The following IFNAR2 variants were observed in gnomAD, a reference collection of about 807,000 sequenced individuals.
The protein encoded by IFNAR2 is interferon alpha and beta receptor subunit 2.
A neutral mutation model predicts 49.4 loss-of-function variants in IFNAR2; 30 were observed. The ratio of observed to expected loss-of-function variants is 0.61; its 90% CI spans 0.45 to 0.82. The LOEUF (loss-of-function observed/expected upper bound fraction) is 0.82, where lower values mean the gene tolerates loss of function less well. Ranked by LOEUF, IFNAR2 falls within the 40% of genes least tolerant of loss-of-function variation. The pLI is 0.00. For missense variants in IFNAR2, 600 were observed against 622.7 expected, an observed-to-expected ratio of 0.96 and a Z score of 0.39; for synonymous variants, 224 against 234.5, an observed-to-expected ratio of 0.96 and a Z score of 0.41.
intron 1 of IFNAR2, among the ~76,000 whole-genome samples, chr21:33,239,956 C>T (rs966337334): frequency 1.3e-5 from 1 of 78,102 alleles, no homozygotes; most frequent in African/African-American, 5.4e-5. Context: ...AGAGTGGTCA[C>T]AGCCCTCAAT....
At chr21:33,236,917 T>A in intron 1 of IFNAR2, 1 of 980,118 alleles carries the variant, frequency 1.0e-6, no homozygotes, top group African/African-American at 1.8e-5. Context: ...TCAGCAAGAG[T>A]TTTAAGGAGC....
chr21:33,249,312 C>T (rs1987673317), intron 6 of IFNAR2, among the ~76,000 whole-genome samples: 1 of 144,468 alleles, frequency 6.9e-6, no homozygotes, highest in Admixed American at 7.1e-5. Context: ...CCATTGTGTT[C>T]CAGCCTGGGT....
At chr21:33,261,237 A>C (rs1019183676) in intron 8 of IFNAR2, among the ~76,000 whole-genome samples, 12 of 151,808 alleles carry the variant, frequency 7.9e-5, no homozygotes, top group African/African-American at 2.9e-4. Context: ...GGGTTTTGCT[A>C]TGTTGGCCAG....
At position 33,241,994 on chromosome 21, in the gene IFNAR2, A is replaced by T. The variant is rs1444716777; in HGVS notation, c.55+17A>T. On this transcript the variant is annotated intron_variant, in intron 2 of 8. Coordinates refer to ENST00000342136, the MANE Select transcript of IFNAR2 (RefSeq NM_001289125.3). ...TTCTCATGGGTAAGTGCTGCTTTTT[A>T]TCTTAGCTCTTATAGAAGCAAGCTG... The T allele has an allele frequency of 1.9e-6, 3 of 1,607,416 alleles. No individual in the cohort carries two copies. The highest frequency in any genetic ancestry group is 2.7e-5 in the African/African-American group (2 of 74,706).
rs1985913606 is a variant in IFNAR2 at position 33,230,046 on chromosome 21, C to T, written c.-254C>T. ...AGCCGAACAGTTCCCCGAGCGCAGC[C>T]CGCGGACCACCACCCGGCCGCACGG... On this transcript the variant is annotated 5_prime_UTR_variant, in exon 1 of 9. Transcript: ENST00000342136. This position sits in a 1 kb window ranked among gnomAD's most constrained non-coding sequence, Gnocchi z 5.5. 1.0e-6 allele frequency: 1 copy of T among 985,974 alleles called. No individual in the cohort carries two copies. Among genetic ancestry groups the T allele is most frequent in the African/African-American group, 1.7e-5 (1 of 57,328 alleles). 61.1% of individuals were successfully genotyped at this position (985,974 alleles called of 1,614,324 possible).
rs1200769826 is a variant in IFNAR2 at position 33,243,704 on chromosome 21, T to C, written c.87T>C (p.Tyr29=). 4.3e-6 allele frequency: 7 copies of C among 1,612,746 alleles called. No homozygotes were observed. The South Asian group carries it at 5.5e-5, about 13-fold the overall frequency. ...VYISLVFGIS[Y]DSPDYTDESC... Reference sequence around the variant, plus strand: ...TCAGCCTCGTGTTTGGTATTTCATATGATTCGCCTGGTAAGAGATGTTTTT... The same window carrying C: ...TCAGCCTCGTGTTTGGTATTTCATACGATTCGCCTGGTAAGAGATGTTTTT... The change falls in exon 3 of 9, where the codon TAT becomes TAC. Residue 29 remains tyrosine (Y), a synonymous_variant. Coordinates refer to ENST00000342136, the MANE Select transcript of IFNAR2 (RefSeq NM_001289125.3).
At position 33,230,312 on chromosome 21, in the gene IFNAR2, C is replaced by A; in HGVS notation, c.-84+96C>A. 1 of 1,021,122 alleles carries A rather than the reference C, an allele frequency of 9.8e-7. No homozygotes were observed. The highest frequency in any genetic ancestry group is 1.2e-6 in the Non-Finnish European group (1 of 809,336). 63.3% of individuals were successfully genotyped at this position (1,021,122 alleles called of 1,614,324 possible). ...CTGCAGCGGTTCCCGGAATCCCCTC[C>A]GGTTCCCTCTCGCTCTCCCCGACTC... On this transcript the variant is annotated intron_variant, in intron 1 of 8. Coordinates refer to ENST00000342136, the MANE Select transcript of IFNAR2 (RefSeq NM_001289125.3). This position sits in a 1 kb window ranked among gnomAD's most constrained non-coding sequence, Gnocchi z 5.5.
chr21:33,241,713 G>A (rs952491986), intron 1 of IFNAR2, 127 bp from the exon 2 acceptor site: 12 of 534,744 alleles, frequency 2.2e-5, no homozygotes, highest in East Asian at 3.6e-5. Context: ...TCCCAGACTA[G>A]GTAGGGGATT....
Position 33,252,808 on chromosome 21 carries a change from C to G in IFNAR2, c.687C>G (p.Leu229=). 6.2e-7 allele frequency: 1 copy of G among 1,613,866 alleles called. No individual in the cohort carries two copies. Residue 229 remains leucine, a synonymous_variant, in exon 7 of 9, where the codon CTC becomes CTG. Transcript: ENST00000342136. ...TAAAGTCTCCCTTAAAATGCACCCT[C>G]CTTCCACCTGGCCAGGAATCAGGTA... is the stretch of plus-strand genomic sequence containing the variant. ...AVIKSPLKCT[L]LPPGQESESA...
intron 6 of IFNAR2, among the ~76,000 whole-genome samples, chr21:33,250,169 A>G (rs1322108353): frequency 6.6e-6 from 1 of 152,214 alleles, no homozygotes; most frequent in Non-Finnish European, 1.5e-5. Flanking sequence ...ATGGATTATA[A>G]TCAGTACTCT....
At chr21:33,256,242 ATTCCAT>A (rs1167891300) in intron 7 of IFNAR2, among the ~76,000 whole-genome samples, 3 of 152,224 alleles carry the variant, frequency 2.0e-5, no homozygotes, top group Non-Finnish European at 4.4e-5. Context: ...CTCTCAGGTC[ATTCCAT>A]TTTTACTTGG....
In IFNAR2 at chr21:33,230,336, T is replaced by A; in HGVS notation, c.-84+120T>A. 1 of 621,186 alleles carries A rather than the reference T, an allele frequency of 1.6e-6. No homozygotes were observed. Among genetic ancestry groups the A allele is most frequent in the Non-Finnish European group, 2.2e-6 (1 of 454,910 alleles). The allele number at this position is 621,186 out of a possible 1,614,324, so 38.5% of individuals were successfully genotyped here. A position where few individuals can be genotyped will look rare whatever the true frequency, so the allele number is the denominator to read the frequency against. ...CCGGTTCCCTCTCGCTCTCCCCGAC[T>A]CCTCCTCCTCCTCCTGCCCTCCCTC... is the stretch of plus-strand genomic sequence containing the variant. On this transcript the variant is annotated intron_variant, in intron 1 of 8. Coordinates refer to ENST00000342136, the MANE Select transcript of IFNAR2 (RefSeq NM_001289125.3). The surrounding 1 kb of genome is among the most constrained non-coding windows in gnomAD (Gnocchi z 5.5).
rs1601795408 is a variant in IFNAR2, at chr21:33,242,068, C to T, written c.55+91C>T. On this transcript the variant is annotated intron_variant, in intron 2 of 8. Coordinates refer to ENST00000342136, the MANE Select transcript of IFNAR2 (RefSeq NM_001289125.3). The stretch of plus-strand genomic sequence containing the variant: ...CTGGCAGGAAGTCGCAAACTCATTT[C>T]CCTGACTAGAGGACCCAGTACCACC... 11 of 1,268,696 alleles carry T rather than the reference C, an allele frequency of 8.7e-6. No individual in the cohort carries two copies. In the South Asian group the frequency reaches 1.3e-4, roughly 15 times the overall value. The allele number at this position is 1,268,696 out of a possible 1,614,324, so 78.6% of individuals were successfully genotyped here.
chr21:33,262,155 G>A (rs1438652173), intron 8 of IFNAR2, among the ~76,000 whole-genome samples: 4 of 151,904 alleles, frequency 2.6e-5, no homozygotes, highest in African/African-American at 9.7e-5. Flanking sequence ...TCACGAGGTC[G>A]GGAGTTCAAG....
Position 33,263,004 on chromosome 21 carries a change from C to G in IFNAR2, c.1052C>G (p.Ser351Cys), listed in dbSNP as rs757637966. 4 of 1,614,182 alleles carry G rather than the reference C, an allele frequency of 2.5e-6. No homozygotes were observed. The highest frequency in any genetic ancestry group is 3.4e-6 in the Non-Finnish European group (4 of 1,180,010). The change falls in exon 9 of 9, where the codon TCT (serine) becomes TGT (cysteine). Residue 351 changes from serine (S) to cysteine (C), a missense_variant. Transcript: ENST00000342136. ...ACTGTCAGGCCTCTGGGTCAGGCCT[C>G]TGCCACCTCTACAGAATCCCAGTTG... ...GLTVRPLGQA[S>C]ATSTESQLID...
In IFNAR2 at chr21:33,252,681, G is replaced by A; in HGVS notation, c.560G>A (p.Gly187Glu). 7.4e-6 allele frequency: 12 copies of A among 1,613,276 alleles called. No homozygotes were observed. The highest frequency in any genetic ancestry group is 1.0e-5 in the Non-Finnish European group (12 of 1,179,746). Reference protein sequence around the residue: ...IVKKHKPEIKGNMSGNFTYII... With the variant: ...IVKKHKPEIKENMSGNFTYII... ...TTACAGCATAAACCCGAAATAAAAG[G>A]AAACATGAGTGGAAATTTCACCTAT... The change falls in exon 7 of 9, where the codon GGA becomes GAA. Residue 187 changes from glycine to glutamate, a missense_variant. Coordinates refer to ENST00000342136, the MANE Select transcript of IFNAR2 (RefSeq NM_001289125.3).
chr21:33,246,531 G>A (rs1987420767), intron 4 of IFNAR2, among the ~76,000 whole-genome samples, 187 bp from the exon 5 acceptor site: 1 of 152,194 alleles, frequency 6.6e-6, no homozygotes, highest in Admixed American at 6.5e-5. Flanking sequence ...AAAAGAGAGG[G>A]ATTGAAAGTG....
intron 1 of IFNAR2, among the ~76,000 whole-genome samples, chr21:33,237,078 G>GGTGGGTGTGTGTGTGTGTGTGTGTGT (rs57276350): frequency 1.3e-4 from 19 of 147,698 alleles, no homozygotes; most frequent in African/African-American, 4.0e-4. Context: ...GGGAGAATGG[G>GGTGGGTGTGTGTGTGTGTGTGTGTGT]GTGTGTGTGT....
chr21:33,251,478 T>C, intron 6 of IFNAR2: 1 of 861,208 alleles, frequency 1.2e-6, no homozygotes, highest in South Asian at 5.3e-5. Flanking sequence ...AGAGAGCTCA[T>C]TCTTCCAAGG....
Sources: allele counts gnomAD v4.1 joint callset (sites outside exome capture counted in the v4.1 genomes callset), GRCh38; gene constraint gnomAD v4.1.1; non-coding constraint Gnocchi (gnomAD v3.1); transcripts MANE v1.5; gene names NCBI Gene and HGNC (gene_info 2026-07-23, HGNC 2026-07-21).